The following SSX3 variants were observed in gnomAD, a reference collection of about 807,000 sequenced individuals.
SSX3 encodes protein SSX3.
In SSX3, 6 loss-of-function variants were observed where a neutral mutation model predicts 14.8. The ratio of observed to expected loss-of-function variants is 0.41; its 90% CI spans 0.22 to 0.80. The LOEUF is 0.80. Among genes scored for constraint, SSX3 ranks in the 30% least tolerant of loss-of-function variants. The probability of loss-of-function intolerance (pLI) is 0.34; values close to 1 mark genes in which losing one functional copy is unlikely to be tolerated. For synonymous variants in SSX3, 55 were observed against 52.9 expected (o/e 1.04, Z -0.18); for missense variants, 163 against 152.2 (o/e 1.07, Z -0.37).
intron 6 of SSX3, among the ~76,000 whole-genome samples, chrX:48,349,101 T>C (rs192180943): frequency 1.7e-3 from 192 of 112,609 alleles, no homozygotes; most frequent in African/African-American, 5.9e-3. Context: ...TAGCCTTCTA[T>C]TGGAAGGAGA....
At chrX:48,349,647 A>C in intron 6 of SSX3, 3 of 1,197,813 alleles carry the variant, frequency 2.5e-6, no homozygotes, top group Non-Finnish European at 3.4e-6. Context: ...TCACAGATAG[A>C]ATCGCTTGAG....
At chrX:48,352,422 C>G (rs1361299084) in intron 4 of SSX3, among the ~76,000 whole-genome samples, 44 of 112,199 alleles carry the variant, frequency 3.9e-4, no homozygotes, top group African/African-American at 1.4e-3. Flanking sequence ...TTACTTTTTC[C>G]CAAATAATTA....
chrX:48,354,201 T>A (rs2061275668), intron 3 of SSX3, 107 bp from the exon 4 acceptor site: 15 of 721,395 alleles, frequency 2.1e-5, no homozygotes, highest in Non-Finnish European at 3.3e-5. Flanking sequence ...GGAGGATTGC[T>A]TGAGGCCAGG....
At chrX:48,348,145 G>A in intron 6 of SSX3, 8 of 376,502 alleles carry the variant, frequency 2.1e-5, no homozygotes, top group Non-Finnish European at 3.7e-5. Flanking sequence ...TTCTTATGGG[G>A]TACATGAGAT....
chrX:48,347,840 A>G (rs1477280730), intron 6 of SSX3, among the ~76,000 whole-genome samples: 1 of 111,652 alleles, frequency 9.0e-6, no homozygotes, highest in Non-Finnish European at 1.9e-5. Flanking sequence ...TAGATTCCCA[A>G]CCTCTTCACT....
At chrX:48,356,244 A>G (rs1556951066) in intron 1 of SSX3, among the ~76,000 whole-genome samples, 1 of 111,582 alleles carries the variant, frequency 9.0e-6, no homozygotes, top group Non-Finnish European at 1.9e-5. Context: ...CCCAGCAGGA[A>G]AGATTTGAGT....
intron 3 of SSX3, 80 bp from the exon 4 acceptor site, chrX:48,354,174 T>C: frequency 1.1e-6 from 1 of 886,304 alleles, no homozygotes; most frequent in South Asian, 2.0e-5. Flanking sequence ...GTACCAACAC[T>C]TTGGGAGGCT....
At chrX:48,351,827 G>A (rs182241923) in intron 5 of SSX3, among the ~76,000 whole-genome samples, 7 of 112,041 alleles carry the variant, frequency 6.2e-5, no homozygotes, top group Admixed American at 1.9e-4. Flanking sequence ...ATTATTATTC[G>A]GAGATAATAG....
intron 1 of SSX3, among the ~76,000 whole-genome samples, chrX:48,355,849 C>G (rs1296740332): frequency 9.0e-6 from 1 of 111,676 alleles, no homozygotes; most frequent in Non-Finnish European, 1.9e-5. Context: ...TACAAGAGCC[C>G]GCCATCACTT....
At chrX:48,348,136 T>C in intron 6 of SSX3, 1 of 360,483 alleles carries the variant, frequency 2.8e-6, no homozygotes, top group East Asian at 5.1e-5. Flanking sequence ...AGGTGTATAT[T>C]CTTATGGGGT....
chrX:48,355,418 G>A, intron 1 of SSX3, 149 bp from the exon 2 acceptor site: 1 of 542,519 alleles, frequency 1.8e-6, no homozygotes, highest in East Asian at 3.6e-5. Flanking sequence ...AAGGATATGG[G>A]GAGAAATCAG....
intron 1 of SSX3, among the ~76,000 whole-genome samples, chrX:48,355,491 G>A (rs2061283051): frequency 9.0e-6 from 1 of 111,125 alleles, no homozygotes; most frequent in South Asian, 3.8e-4. Flanking sequence ...GGTTTCCTAT[G>A]GGCAAAGCAG....
At chrX:48,353,009 A>G (rs1262132666) in intron 4 of SSX3, among the ~76,000 whole-genome samples, 1 of 111,726 alleles carries the variant, frequency 9.0e-6, no homozygotes, top group Non-Finnish European at 1.9e-5. Context: ...AGAAACAGCG[A>G]TCTTTATTAC....
intron 7 of SSX3, 64 bp downstream of exon 7, chrX:48,347,436 G>A: frequency 7.5e-6 from 9 of 1,194,106 alleles, no homozygotes; most frequent in South Asian, 5.3e-5. Flanking sequence ...CAGATGGGAT[G>A]CCAGTATCAT....
chrX:48,352,972 A>G (rs1467729479), intron 4 of SSX3, among the ~76,000 whole-genome samples: 5 of 111,677 alleles, frequency 4.5e-5, no homozygotes, highest in Non-Finnish European at 9.4e-5. Flanking sequence ...GGGAATGAGA[A>G]GACTATTTGG....
At chrX:48,351,991 G>A in intron 5 of SSX3, 109 bp downstream of exon 5, 1 of 981,151 alleles carries the variant, frequency 1.0e-6, no homozygotes, top group Non-Finnish European at 1.4e-6. Flanking sequence ...GATAGACATG[G>A]GGAGAAGAAG....
rs782807459 is a variant in SSX3, at chrX:48,349,497, C to T, written c.466+490G>A. The T allele has an allele frequency of 6.0e-5, 72 of 1,197,378 alleles. 1 individual carries two copies. The Admixed American group carries it at 1.1e-3, about 18-fold the overall frequency. ...AGACTACACTGTAGTGTAAACATAA[C>T]GTTTTATGCACTGTCAAACAAAAAA... is the stretch of plus-strand genomic sequence containing the variant. On this transcript the variant is annotated intron_variant, in intron 6 of 7. Coordinates refer to ENST00000298396, the MANE Select transcript of SSX3 (RefSeq NM_021014.4).
intron 4 of SSX3, among the ~76,000 whole-genome samples, chrX:48,352,846 T>C (rs1302441821): frequency 8.9e-6 from 1 of 112,201 alleles, no homozygotes; most frequent in Non-Finnish European, 1.9e-5. Flanking sequence ...ACCTGTCTTT[T>C]TTTCATCCTA....
chrX:48,350,033 G>A lies in SSX3; in HGVS notation c.420C>T (p.Cys140=), dbSNP rs782299745. The A allele has an allele frequency of 1.7e-5, 20 of 1,209,708 alleles. No individual in the cohort carries two copies. The highest frequency in any genetic ancestry group is 8.9e-5 in the East Asian group (3 of 33,758). Reference sequence around the variant, plus strand: ...CAGAGGTAGTTGGTTTTCCCGGGGGGCACAGCTGTTTCCCATCGTTTTGTG... The same window carrying A: ...CAGAGGTAGTTGGTTTTCCCGGGGGACACAGCTGTTTCCCATCGTTTTGTG... ...SGPQNDGKQL[C]PPGKPTTSEK... Residue 140 remains cysteine (C), a synonymous_variant, in exon 6 of 8, where the codon TGC becomes TGT. Transcript: ENST00000298396.
Sources: gnomAD v4.1 joint callset for allele counts (sites outside exome capture counted in the v4.1 genomes callset) on GRCh38, gnomAD v4.1.1 for gene constraint, MANE v1.5 for transcripts, NCBI Gene and HGNC (gene_info 2026-07-23, HGNC 2026-07-21) for gene names.